The following SORCS1 variants were observed in gnomAD, a reference collection of about 807,000 sequenced individuals.
SORCS1 encodes the protein sortilin related VPS10 domain containing receptor 1.
A neutral mutation model predicts 146.1 loss-of-function variants in SORCS1; 60 were observed. The observed-to-expected ratio is 0.41, with a 90% CI of 0.33 to 0.51. The LOEUF (loss-of-function observed/expected upper bound fraction) is 0.51. SORCS1 is among the 20% of genes least tolerant of loss of function. The probability of loss-of-function intolerance (pLI) is 0.21; values close to 1 mark genes in which losing one functional copy is unlikely to be tolerated. For missense variants in SORCS1, 1,352 were observed against 1,487.6 expected, an observed-to-expected ratio of 0.91 and a Z score of 1.50; for synonymous variants, 637 against 584.0, an observed-to-expected ratio of 1.09 and a Z score of -1.31.
intron 1 of SORCS1, among the ~76,000 whole-genome samples, chr10:107,073,193 A>C (rs1962589817): frequency 6.6e-6 from 1 of 152,242 alleles, no homozygotes; most frequent in African/African-American, 2.4e-5. Context: ...GAGATCAGCC[A>C]AGGTGGAAAG....
chr10:106,589,711 A>C lies in SORCS1; in HGVS notation c.3265+7640T>G, dbSNP rs555670264. Among the ~76,000 whole-genome samples the C allele has an allele frequency of 3.3e-5, 5 of 151,788 alleles. No individual in the cohort carries two copies. The South Asian group carries it at 6.2e-4, about 19-fold the overall frequency. On this transcript the variant is annotated intron_variant, in intron 24 of 25. Coordinates refer to ENST00000263054, the MANE Select transcript of SORCS1 (RefSeq NM_052918.5). ...TCTTTGACGACGAAAAAAAAAAAAA[A>C]AAAAAACAAGCTCCACCTCCCAGGT...
chr10:106,699,835 A>T (rs911841415), intron 8 of SORCS1, among the ~76,000 whole-genome samples: 3 of 152,214 alleles, frequency 2.0e-5, no homozygotes, highest in Non-Finnish European at 4.4e-5. Flanking sequence ...ATGGACCAGC[A>T]GCAAGGACAT....
At chr10:106,723,886 T>C (rs542097165) in intron 6 of SORCS1, among the ~76,000 whole-genome samples, 7 of 152,232 alleles carry the variant, frequency 4.6e-5, no homozygotes, top group Non-Finnish European at 1.0e-4. Context: ...ATGCATAAAA[T>C]AAATTACCCA....
chr10:106,743,937 C>T (rs922717044), intron 5 of SORCS1, among the ~76,000 whole-genome samples: 8 of 151,870 alleles, frequency 5.3e-5, no homozygotes, highest in African/African-American at 1.9e-4. Flanking sequence ...TTCGTGTAGG[C>T]ACTCCTTTTT....
chr10:106,709,100 A>T, intron 7 of SORCS1, 123 bp downstream of exon 7: 1 of 693,904 alleles, frequency 1.4e-6, no homozygotes, highest in Non-Finnish European at 2.5e-6. Context: ...CTCTCTCCCT[A>T]CCTCCTTCCC....
At chr10:107,032,804 C>G (rs1207147877) in intron 1 of SORCS1, among the ~76,000 whole-genome samples, 3 of 151,990 alleles carry the variant, frequency 2.0e-5, no homozygotes, top group South Asian at 2.1e-4. Flanking sequence ...CTCCTTCCCA[C>G]CCTCTCTTCA....
At chr10:106,946,176 C>T (rs895061377) in intron 2 of SORCS1, among the ~76,000 whole-genome samples, 1 of 151,560 alleles carries the variant, frequency 6.6e-6, no homozygotes, top group Non-Finnish European at 1.5e-5. Context: ...ATAGGCCTGG[C>T]TTTCAGTGAC....
intron 1 of SORCS1, among the ~76,000 whole-genome samples, chr10:107,081,345 C>T (rs1963320614): frequency 6.6e-6 from 1 of 152,120 alleles, no homozygotes; most frequent in Non-Finnish European, 1.5e-5. Flanking sequence ...AGGGAATTTT[C>T]TATAATTCAT....
At chr10:106,613,871 C>T (rs1847177343) in intron 21 of SORCS1, among the ~76,000 whole-genome samples, 1 of 152,120 alleles carries the variant, frequency 6.6e-6, no homozygotes, top group South Asian at 2.1e-4. Context: ...CCTGCTGGCT[C>T]TGTCCATACC....
chr10:107,133,298 C>T (rs553626279), intron 1 of SORCS1, among the ~76,000 whole-genome samples: 4 of 152,202 alleles, frequency 2.6e-5, no homozygotes, highest in Non-Finnish European at 5.9e-5. Flanking sequence ...ATCCATGGAC[C>T]TTTGGTCTCC....
intron 1 of SORCS1, among the ~76,000 whole-genome samples, chr10:107,077,571 AT>A (rs1268120717): frequency 6.6e-6 from 1 of 151,090 alleles, no homozygotes; most frequent in Non-Finnish European, 1.5e-5. Flanking sequence ...GATTTGTTAT[AT>A]AGCAAGCACT....
intron 3 of SORCS1, among the ~76,000 whole-genome samples, chr10:106,790,255 A>G (rs1316867211): frequency 6.6e-6 from 1 of 151,942 alleles, no homozygotes. Flanking sequence ...AATTCCTTCA[A>G]TTTGTTACTG....
chr10:106,693,785 C>T (rs1853482805), intron 9 of SORCS1, among the ~76,000 whole-genome samples: 2 of 152,078 alleles, frequency 1.3e-5, no homozygotes, highest in Admixed American at 1.3e-4. Context: ...TTCTTATGCT[C>T]TTTATTATAA....
intron 7 of SORCS1, 49 bp from the exon 8 acceptor site, chr10:106,706,683 C>G: frequency 1.9e-6 from 3 of 1,549,510 alleles, no homozygotes; most frequent in Non-Finnish European, 2.7e-6. Flanking sequence ...CTGTAACAGG[C>G]ACAGGTCACA....
intron 5 of SORCS1, among the ~76,000 whole-genome samples, chr10:106,754,180 C>T (rs367593173): frequency 1.6e-4 from 24 of 152,324 alleles, no homozygotes; most frequent in African/African-American, 4.8e-4. Flanking sequence ...TTTACCTAAT[C>T]AGAGCCCATA....
chr10:107,135,173 T>TA (rs1482224232), intron 1 of SORCS1, among the ~76,000 whole-genome samples: 5 of 152,206 alleles, frequency 3.3e-5, no homozygotes, highest in African/African-American at 4.8e-5. Context: ...GTAAGATCAT[T>TA]AGTTTCTTTT....
rs61867312 is a variant in SORCS1, at chr10:106,795,135, T to C, written c.727-18443A>G. Among the ~76,000 whole-genome samples, 91 of 152,306 alleles carry C rather than the reference T, an allele frequency of 6.0e-4. 2 individuals are homozygous for C. The highest frequency in any genetic ancestry group is 1.0e-3 in the Non-Finnish European group (70 of 68,012). ...ATTAAAAGTTCTAACACCATAAGAA[T>C]TCAATAGTCATGTAAATTTGGGGGA... On this transcript the variant is annotated intron_variant, in intron 3 of 25. Coordinates refer to ENST00000263054, the MANE Select transcript of SORCS1 (RefSeq NM_052918.5).
chr10:106,996,446 C>T (rs78159667), intron 1 of SORCS1, among the ~76,000 whole-genome samples: 1 of 152,062 alleles, frequency 6.6e-6, no homozygotes, highest in East Asian at 1.9e-4. Flanking sequence ...GGGTATGCTA[C>T]AGACAAAATG....
chr10:106,794,085 A>T (rs1946432454), intron 3 of SORCS1, among the ~76,000 whole-genome samples: 1 of 152,146 alleles, frequency 6.6e-6, no homozygotes, highest in South Asian at 2.1e-4. Flanking sequence ...CCACAGACTG[A>T]CTCTGACCAG....
Sources: gnomAD v4.1 joint callset for allele counts (sites outside exome capture counted in the v4.1 genomes callset) on GRCh38, gnomAD v4.1.1 for gene constraint, MANE v1.5 for transcripts, NCBI Gene and HGNC (gene_info 2026-07-23, HGNC 2026-07-21) for gene names.